SLC2A5: variants seen among roughly 807,000 people sequenced by gnomAD.
SLC2A5 encodes the protein solute carrier family 2, facilitated glucose transporter member 5.
In SLC2A5, 56 loss-of-function variants were observed where a neutral mutation model predicts 50.3. The observed-to-expected ratio is 1.11, with a 90% CI of 0.90 to 1.39. The LOEUF (loss-of-function observed/expected upper bound fraction) is 1.39. SLC2A5 is among the 40% of genes most tolerant of loss of function. SLC2A5 has a pLI of 0.00. For missense variants in SLC2A5, 566 were observed against 650.1 expected (o/e 0.87, Z 1.41); for synonymous variants, 269 against 281.9 (o/e 0.95, Z 0.46).
chr1:9,038,295 C>G, intron 10 of SLC2A5, 136 bp downstream of exon 10: 1 of 729,990 alleles, frequency 1.4e-6, no homozygotes. Flanking sequence ...GCCACCCACC[C>G]CCTTGCGGTG....
chr1:9,049,172 A>T (rs771448065), intron 3 of SLC2A5: 10 of 456,194 alleles, frequency 2.2e-5, no homozygotes, highest in South Asian at 1.5e-4. Flanking sequence ...CATGATGAGG[A>T]CCCTCATGAT....
chr1:9,082,007 A>C (rs1642360855), intron 2 of SLC2A5, among the ~76,000 whole-genome samples: 1 of 152,086 alleles, frequency 6.6e-6, no homozygotes, highest in Non-Finnish European at 1.5e-5. Context: ...GCTTGAACCC[A>C]GGAGGTGGAG....
intron 4 of SLC2A5, among the ~76,000 whole-genome samples, chr1:9,046,271 AC>A (rs1641432306): frequency 6.6e-6 from 1 of 151,936 alleles, no homozygotes; most frequent in South Asian, 2.1e-4. Flanking sequence ...AATACTGCCT[AC>A]TAAGGATGCC....
Position 9,037,613 on chromosome 1 carries a change from CTCTT to C in SLC2A5, c.1475_1478del (p.Lys492SerfsTer31). ...ACTGTTCCGAAGTGACAGGTGGAAG[CTCTT>C]TCAGTTCCTCCTTTTCCGGGTACAC... On this transcript the variant is annotated frameshift_variant, in exon 12 of 12. Coordinates refer to ENST00000377424, the MANE Select transcript of SLC2A5 (RefSeq NM_003039.3). LOFTEE classifies it low-confidence loss of function (END_TRUNC). 1 of 1,614,088 alleles carries C rather than the reference CTCTT, an allele frequency of 6.2e-7. No homozygotes were observed. Among genetic ancestry groups the C allele is most frequent in the Non-Finnish European group, 8.5e-7 (1 of 1,180,002 alleles).
In SLC2A5 at chr1:9,057,606, G is replaced by A. The variant is rs1304294430; in HGVS notation, c.135C>T (p.Leu45=). 5.0e-6 allele frequency: 8 copies of A among 1,611,118 alleles called. No individual in the cohort carries two copies. The Middle Eastern group carries it at 6.6e-4, about 133-fold the overall frequency. Reference sequence around the variant, plus strand: ...AAGTCTCATTGTAAAATTGTTGCATGAGCTAGGAGACAAAGCAAAACAGAA... The same window carrying A: ...AAGTCTCATTGTAAAATTGTTGCATAAGCTAGGAGACAAAGCAAAACAGAA... ...NVAAVNSPAL[L]MQQFYNETYY... is the part of the protein sequence containing the mutation. The change falls in exon 3 of 12, where the codon CTC becomes CTT. Residue 45 remains leucine, a splice_region_variant and synonymous_variant. Transcript: ENST00000377424.
chr1:9,037,328 A>G lies in SLC2A5; in HGVS notation c.*258T>C. 1 of 459,232 alleles carries G rather than the reference A, an allele frequency of 2.2e-6. No individual in the cohort carries two copies. The allele number at this position is 459,232 out of a possible 1,614,324, so 28.4% of individuals were successfully genotyped here. Reference sequence around the variant, plus strand: ...TTACCAGGAGCCACACGAAGGCTGAACCAGCAAAGTGGAGGACCAGCTGTT... The same window carrying G: ...TTACCAGGAGCCACACGAAGGCTGAGCCAGCAAAGTGGAGGACCAGCTGTT... On this transcript the variant is annotated 3_prime_UTR_variant, in exon 12 of 12. Coordinates refer to ENST00000377424, the MANE Select transcript of SLC2A5 (RefSeq NM_003039.3).
chr1:9,038,373 C>T (rs1012567402), intron 10 of SLC2A5, 58 bp downstream of exon 10: 24 of 1,285,782 alleles, frequency 1.9e-5, no homozygotes, highest in African/African-American at 4.4e-5. Flanking sequence ...AGCTCCAGCC[C>T]GGAGCTTCTG....
intron 10 of SLC2A5, 36 bp downstream of exon 10, chr1:9,038,395 G>C (rs779564580): frequency 6.7e-7 from 1 of 1,494,114 alleles, no homozygotes; most frequent in Admixed American, 1.7e-5. Flanking sequence ...GACCAGGGGG[G>C]GTTGTGACAC....
At chr1:9,086,264 A>G (rs978374088) in intron 1 of SLC2A5, among the ~76,000 whole-genome samples, 3 of 152,148 alleles carry the variant, frequency 2.0e-5, no homozygotes, top group Non-Finnish European at 4.4e-5. Context: ...GACTGAAACC[A>G]TGGCATTGCA....
chr1:9,045,913 T>C (rs866528478), intron 4 of SLC2A5, among the ~76,000 whole-genome samples: 18 of 150,480 alleles, frequency 1.2e-4, no homozygotes, highest in African/African-American at 4.4e-4. Context: ...CCCAGCCAGG[T>C]GCTCTCAGGG....
At chr1:9,065,585 C>T (rs1240049665) in intron 1 of SLC2A5, among the ~76,000 whole-genome samples, 4 of 152,174 alleles carry the variant, frequency 2.6e-5, no homozygotes, top group South Asian at 4.1e-4. Flanking sequence ...CATCGTCAGC[C>T]GCTGCGGTGG....
intron 5 of SLC2A5, 33 bp downstream of exon 5, chr1:9,041,752 G>T (rs774229460): frequency 1.2e-6 from 2 of 1,613,930 alleles, no homozygotes; most frequent in Non-Finnish European, 1.7e-6. Context: ...GTGGTGAAGG[G>T]GTGGGGGTGC....
upstream of SLC2A5, among the ~76,000 whole-genome samples, chr1:9,071,218 T>A (rs953444872): frequency 6.6e-6 from 1 of 152,160 alleles, no homozygotes; most frequent in Non-Finnish European, 1.5e-5. Context: ...GAGACCAGTC[T>A]GACCAACATG....
the SLC2A5 span, among the ~76,000 whole-genome samples, chr1:9,093,973 C>G: frequency 6.6e-6 from 1 of 152,306 alleles, no homozygotes; most frequent in East Asian, 1.9e-4. Context: ...AAACCGATTA[C>G]AACTCCCTAG....
chr1:9,077,906 C>G (rs537373689), intron 2 of SLC2A5, among the ~76,000 whole-genome samples: 1 of 151,610 alleles, frequency 6.6e-6, no homozygotes, highest in South Asian at 2.1e-4. Flanking sequence ...CAGGGTGAGT[C>G]CATAGAGTAA....
At chr1:9,063,683 T>C (rs1463393078) in intron 1 of SLC2A5, among the ~76,000 whole-genome samples, 5 of 20,042 alleles carry the variant, frequency 2.5e-4, no homozygotes, top group Non-Finnish European at 4.1e-4. Flanking sequence ...ATTATTTACT[T>C]TTTTTTTTTT....
intron 3 of SLC2A5, among the ~76,000 whole-genome samples, chr1:9,054,966 T>C (rs1255076990): frequency 6.6e-6 from 1 of 152,078 alleles, no homozygotes; most frequent in African/African-American, 2.4e-5. Context: ...GTGTCCTCAG[T>C]TGAGAAGCAA....
intron 2 of SLC2A5, among the ~76,000 whole-genome samples, chr1:9,082,091 A>G (rs1024652648): frequency 2.0e-5 from 3 of 152,188 alleles, no homozygotes; most frequent in Non-Finnish European, 2.9e-5. Context: ...CAAAAAAAAT[A>G]AAATAAAACG....
rs143595065 is a variant in SLC2A5 at position 9,048,709 on chromosome 1, G to A, written c.294-975C>T. Among the ~76,000 whole-genome samples the A allele has an allele frequency of 5.2e-3, 793 of 152,006 alleles. 5 individuals are homozygous for A. The highest frequency in any genetic ancestry group is 8.1e-3 in the Non-Finnish European group (552 of 67,974). On this transcript the variant is annotated intron_variant, in intron 3 of 11. Transcript: ENST00000377424. ...AGAGTCTCGCTCTGTCACCCAGGCT[G>A]GAGTGCAGTGATCGCAGCTCACTGT...
Sources: allele counts gnomAD v4.1 joint callset (sites outside exome capture counted in the v4.1 genomes callset), GRCh38; gene constraint gnomAD v4.1.1; transcripts MANE v1.5; gene names NCBI Gene and HGNC (gene_info 2026-07-23, HGNC 2026-07-21).